LIPI: variants seen among roughly 807,000 people sequenced by gnomAD.
LIPI encodes the protein lipase member I.
In LIPI, 59 loss-of-function variants were observed where a neutral mutation model predicts 50.6. The ratio of observed to expected loss-of-function variants is 1.16; its 90% CI spans 0.94 to 1.45. The LOEUF is 1.45. LIPI is among the 40% of genes most tolerant of loss of function. The probability of loss-of-function intolerance (pLI) is 0.00; values close to 1 mark genes in which losing one functional copy is unlikely to be tolerated. For missense variants in LIPI, 586 were observed against 536.3 expected (o/e 1.09, Z -0.92); for synonymous variants, 203 against 178.2 (o/e 1.14, Z -1.11).
At chr21:14,186,463 T>C (rs17240046) in intron 2 of LIPI, among the ~76,000 whole-genome samples, 5,603 of 152,264 alleles carry the variant, frequency 0.037, 224 homozygotes, top group East Asian at 0.23. Context: ...TCATTTTTAT[T>C]CTAATGCCTA....
At chr21:14,166,594 GT>G (rs1329002492) in intron 4 of LIPI, 143 bp from the exon 5 acceptor site, 2 of 645,346 alleles carry the variant, frequency 3.1e-6, no homozygotes, top group Non-Finnish European at 5.5e-6. Flanking sequence ...ATAAAGATAA[GT>G]TTTTCTTCTA....
At chr21:14,145,356 A>G (rs2017864905) in intron 8 of LIPI, among the ~76,000 whole-genome samples, 1 of 152,180 alleles carries the variant, frequency 6.6e-6, no homozygotes, top group African/African-American at 2.4e-5. Context: ...TTACCATTTT[A>G]CAGATAAGAA....
rs1224054567 is a variant in LIPI, at chr21:14,152,647, T to A, written c.1044A>T (p.Lys348Asn). Residue 348 changes from lysine (K) to asparagine (N), a missense_variant, in exon 8 of 10, where the codon AAA becomes AAT. Coordinates refer to ENST00000681601, the MANE Select transcript of LIPI (RefSeq NM_001302998.2). ...ATGAAAACGAGCCATCCATCATAGT[T>A]TTATCTGGAACAATTATACTGAGAA... ...YFVLSIIVPD[K>N]TMMDGSFSFK... 3 of 1,564,658 alleles carry A rather than the reference T, an allele frequency of 1.9e-6. No homozygotes were observed. In the Admixed American group the frequency reaches 5.0e-5, roughly 26 times the overall value.
chr21:14,113,467 C>G (rs2016494600), intron 9 of LIPI, among the ~76,000 whole-genome samples: 1 of 152,088 alleles, frequency 6.6e-6, no homozygotes, highest in African/African-American at 2.4e-5. Flanking sequence ...AACTTGATAA[C>G]ATAGCAACAG....
At chr21:14,171,246 C>T (rs1474766846) in intron 4 of LIPI, among the ~76,000 whole-genome samples, 1 of 149,296 alleles carries the variant, frequency 6.7e-6, no homozygotes, top group Non-Finnish European at 1.5e-5. Context: ...ACATTCCATG[C>T]TCATGGGTAG....
At chr21:14,154,721 T>C (rs2018216908) in intron 7 of LIPI, among the ~76,000 whole-genome samples, 1 of 151,942 alleles carries the variant, frequency 6.6e-6, no homozygotes, top group Non-Finnish European at 1.5e-5. Context: ...TATAAATGCA[T>C]AAAAAGCAAA....
intron 1 of LIPI, among the ~76,000 whole-genome samples, chr21:14,207,861 A>T (rs1465261890): frequency 2.0e-5 from 3 of 152,212 alleles, no homozygotes; most frequent in Non-Finnish European, 1.5e-5. Flanking sequence ...ATCAACATTT[A>T]TGTTACCTTC....
intron 7 of LIPI, among the ~76,000 whole-genome samples, chr21:14,157,420 CCAATAATAGAGG>C (rs2018310545): frequency 6.6e-6 from 1 of 151,872 alleles, no homozygotes; most frequent in Admixed American, 6.6e-5. Context: ...TTGGCAGAGG[CCAATAATAGAGG>C]CAGGATTGTC....
intron 9 of LIPI, 122 bp from the exon 10 acceptor site, chr21:14,109,202 A>G (rs1196093753): frequency 7.8e-6 from 6 of 765,356 alleles, no homozygotes; most frequent in Non-Finnish European, 1.1e-5. Flanking sequence ...CTCTAAATGT[A>G]GGGAGTTGGA....
At position 14,138,534 on chromosome 21, in the gene LIPI, T is replaced by C. The variant is rs148747943; in HGVS notation, c.1295+6089A>G. Among the ~76,000 whole-genome samples the C allele has an allele frequency of 6.6e-3, 1,010 of 152,202 alleles. 5 individuals are homozygous for C. The highest frequency in any genetic ancestry group is 0.011 in the Non-Finnish European group (740 of 67,966). ...AATTTTGGTATCCATATAAATTTTA[T>C]TAATTTTTTAATCAAGGTATTTTTA... On this transcript the variant is annotated intron_variant, in intron 9 of 9. Transcript: ENST00000681601.
In LIPI at chr21:14,133,471, T is replaced by C. The variant is rs148694046; in HGVS notation, c.1295+11152A>G. 9.8e-4 allele frequency among the ~76,000 whole-genome samples: 149 copies of C among 152,266 alleles called. No individual in the cohort carries two copies. In the Middle Eastern group the frequency reaches 0.01, roughly 10 times the overall value. On this transcript the variant is annotated intron_variant, in intron 9 of 9. Transcript: ENST00000681601. ...CAACAAACTAGACATAGAAGGAACA[T>C]ACCTCACATAATAAAGACAATAAAT...
intron 4 of LIPI, among the ~76,000 whole-genome samples, chr21:14,167,496 G>C (rs12483515): frequency 6.6e-6 from 1 of 151,826 alleles, no homozygotes; most frequent in Non-Finnish European, 1.5e-5. Flanking sequence ...TCACACAGCC[G>C]GGTACTCCTC....
chr21:14,113,402 G>A (rs1391839202), intron 9 of LIPI, among the ~76,000 whole-genome samples: 1 of 152,160 alleles, frequency 6.6e-6, no homozygotes, highest in Non-Finnish European at 1.5e-5. Context: ...TGTTTGAGAT[G>A]AATAATACAC....
At chr21:14,181,197 C>T (rs146975518) in intron 4 of LIPI, among the ~76,000 whole-genome samples, 6 of 152,230 alleles carry the variant, frequency 3.9e-5, no homozygotes, top group Non-Finnish European at 5.9e-5. Flanking sequence ...AGGAAAGGCA[C>T]GAGGACAGTC....
At chr21:14,125,299 T>C (rs970349517) in intron 9 of LIPI, among the ~76,000 whole-genome samples, 2 of 152,236 alleles carry the variant, frequency 1.3e-5, no homozygotes, top group Non-Finnish European at 2.9e-5. Context: ...AATGTAAGTA[T>C]ACTATTGTAA....
chr21:14,122,213 AC>A (rs745759651), intron 9 of LIPI, among the ~76,000 whole-genome samples: 174 of 152,262 alleles, frequency 1.1e-3, no homozygotes, highest in Admixed American at 2.0e-3. Context: ...TAAAGGTATA[AC>A]AAAAACCCTG....
intron 9 of LIPI, among the ~76,000 whole-genome samples, chr21:14,132,868 C>T (rs2017347804): frequency 6.6e-6 from 1 of 152,152 alleles, no homozygotes; most frequent in African/African-American, 2.4e-5. Context: ...CTATTATTAA[C>T]AACTATGTGC....
chr21:14,156,791 C>G (rs983786629), intron 7 of LIPI, among the ~76,000 whole-genome samples: 1 of 151,666 alleles, frequency 6.6e-6, no homozygotes, highest in Non-Finnish European at 1.5e-5. Context: ...TTAGTTTATT[C>G]AACTAACTAG....
rs1391427657 is a variant in LIPI, at chr21:14,170,549, G to A, written c.644-4098C>T. On this transcript the variant is annotated intron_variant, in intron 4 of 9. Coordinates refer to ENST00000681601, the MANE Select transcript of LIPI (RefSeq NM_001302998.2). ...GTGGGCTTCATCCCTGGCATGCAAGGCTGGTTCAATATACGCAAATCAATA... is the reference window on the plus strand; with the variant it reads ...GTGGGCTTCATCCCTGGCATGCAAGACTGGTTCAATATACGCAAATCAATA... 2.0e-5 allele frequency among the ~76,000 whole-genome samples: 3 copies of A among 152,312 alleles called. No homozygotes were observed. The East Asian group carries it at 5.8e-4, about 29-fold the overall frequency.
Sources: gnomAD v4.1 joint callset for allele counts (sites outside exome capture counted in the v4.1 genomes callset) on GRCh38, gnomAD v4.1.1 for gene constraint, MANE v1.5 for transcripts, NCBI Gene and HGNC (gene_info 2026-07-23, HGNC 2026-07-21) for gene names.